Variants in AK4 observed in about 807,000 individuals in gnomAD.
AK4 encodes the protein adenylate kinase 4.
A neutral mutation model predicts 24.6 loss-of-function variants in AK4; 13 were observed. That is an observed-to-expected ratio of 0.53 (90% CI 0.34 to 0.84). AK4 has a LOEUF of 0.84. AK4 is among the 40% of genes least tolerant of loss of function. AK4 has a pLI of 0.01. For synonymous variants in AK4, 88 were observed against 107.0 expected (o/e 0.82, Z 1.10); for missense variants, 192 against 288.2 (o/e 0.67, Z 2.42).
At chr1:65,225,199 A>G (rs1019327630) in intron 4 of AK4, among the ~76,000 whole-genome samples, 2 of 152,200 alleles carry the variant, frequency 1.3e-5, no homozygotes, top group African/African-American at 4.8e-5. Flanking sequence ...ATACTCCCAC[A>G]TATAAATATA....
At chr1:65,156,498 T>G (rs966329898) in intron 1 of AK4, among the ~76,000 whole-genome samples, 1 of 152,266 alleles carries the variant, frequency 6.6e-6, no homozygotes, top group Non-Finnish European at 1.5e-5. Context: ...TGTACAGATA[T>G]ATCATAGTTT....
chr1:65,184,208 G>GT (rs1651010800), intron 1 of AK4, among the ~76,000 whole-genome samples: 1 of 152,088 alleles, frequency 6.6e-6, no homozygotes, highest in Non-Finnish European at 1.5e-5. Flanking sequence ...TTATATTGTT[G>GT]TAAGATATGT....
chr1:65,188,339 G>A (rs932549982), intron 1 of AK4, among the ~76,000 whole-genome samples: 1 of 151,702 alleles, frequency 6.6e-6, no homozygotes, highest in Admixed American at 6.6e-5. Flanking sequence ...AGGTTGCGAT[G>A]AGCAGAGATC....
At position 65,190,807 on chromosome 1, in the gene AK4, T is replaced by A. The variant is rs1364371897; in HGVS notation, c.243T>A (p.Arg81=). 6.2e-7 allele frequency: 1 copy of A among 1,613,970 alleles called. No individual in the cohort carries two copies. The highest frequency in any genetic ancestry group is 2.2e-5 in the East Asian group (1 of 44,890). The part of the protein sequence containing the change: ...RLMMSELENR[R]GQHWLLDGFP... ...TGATGTCCGAGTTGGAGAACAGGCGTGGCCAGCACTGGCTCCTTGATGGTG... is the reference window on the plus strand; with the variant it reads ...TGATGTCCGAGTTGGAGAACAGGCGAGGCCAGCACTGGCTCCTTGATGGTG... The change falls in exon 2 of 5, where the codon CGT becomes CGA. Residue 81 remains arginine (R), a synonymous_variant. Transcript: ENST00000327299.
intron 2 of AK4, among the ~76,000 whole-genome samples, chr1:65,208,552 C>G (rs555689631): frequency 6.6e-6 from 1 of 152,230 alleles, no homozygotes; most frequent in South Asian, 2.1e-4. Flanking sequence ...TATTCAACAA[C>G]TGGGAAGAGA....
chr1:65,196,376 G>T (rs1403388170), intron 2 of AK4, among the ~76,000 whole-genome samples: 8 of 152,102 alleles, frequency 5.3e-5, no homozygotes, highest in African/African-American at 1.9e-4. Context: ...TGAGTGTTCT[G>T]TGGTTTGGTC....
intron 1 of AK4, among the ~76,000 whole-genome samples, chr1:65,151,332 G>A (rs1253553859): frequency 6.6e-6 from 1 of 152,172 alleles, no homozygotes; most frequent in Non-Finnish European, 1.5e-5. Context: ...GTGTAAAAAT[G>A]CCTGTCTCAC....
chr1:65,179,636 T>A (rs1388133318), intron 1 of AK4, among the ~76,000 whole-genome samples: 1 of 151,990 alleles, frequency 6.6e-6, no homozygotes, highest in Non-Finnish European at 1.5e-5. Context: ...CTCAAGAGTT[T>A]GAGACCAACG....
At chr1:65,174,331 C>A (rs555332086) in intron 1 of AK4, among the ~76,000 whole-genome samples, 2 of 152,130 alleles carry the variant, frequency 1.3e-5, no homozygotes, top group South Asian at 4.1e-4. Context: ...TCCCCCAAGT[C>A]TCTCTAAGAA....
intron 1 of AK4, among the ~76,000 whole-genome samples, chr1:65,187,347 CAA>C (rs150840960): frequency 6.0e-5 from 4 of 66,878 alleles, no homozygotes; most frequent in Non-Finnish European, 6.1e-5. Flanking sequence ...GACTCCGTCT[CAA>C]AAAAAAAAAA....
chr1:65,205,909 T>G (rs534450853), intron 2 of AK4, among the ~76,000 whole-genome samples: 1 of 152,216 alleles, frequency 6.6e-6, no homozygotes, highest in African/African-American at 2.4e-5. Context: ...CATAACTGTT[T>G]GATTATTTTT....
At chr1:65,170,377 C>G (rs939793711) in intron 1 of AK4, among the ~76,000 whole-genome samples, 1 of 149,534 alleles carries the variant, frequency 6.7e-6, no homozygotes, top group African/African-American at 2.5e-5. Context: ...CACACACACA[C>G]ACACACACAC....
At position 65,148,455 on chromosome 1, in the gene AK4, G is replaced by C. The variant is rs748644993; in HGVS notation, c.48G>C (p.Ser16=). 2 of 1,569,882 alleles carry C rather than the reference G, an allele frequency of 1.3e-6. No individual in the cohort carries two copies. Among genetic ancestry groups the C allele is most frequent in the Non-Finnish European group, 1.7e-6 (2 of 1,158,864 alleles). Residue 16 remains serine, a synonymous_variant, in exon 1 of 5, where the codon TCG becomes TCC. Coordinates refer to ENST00000327299, the MANE Select transcript of AK4 (RefSeq NM_013410.4). ...CGGTCATCCTCGGGCCGCCCGGCTCGGGCAAGGGCACCGTGTGCCAGAGGA... is the reference window on the plus strand; with the variant it reads ...CGGTCATCCTCGGGCCGCCCGGCTCCGGCAAGGGCACCGTGTGCCAGAGGA... ...LRAVILGPPG[S]GKGTVCQRIA...
chr1:65,192,790 G>C (rs1651348484), intron 2 of AK4, among the ~76,000 whole-genome samples: 1 of 152,154 alleles, frequency 6.6e-6, no homozygotes. Context: ...AAGAAGAAAG[G>C]GGCAGGTGGT....
intron 1 of AK4, among the ~76,000 whole-genome samples, chr1:65,179,106 T>C (rs1483355774): frequency 6.6e-6 from 1 of 152,106 alleles, no homozygotes; most frequent in Non-Finnish European, 1.5e-5. Context: ...AATTAAAGGA[T>C]GCTTATAATT....
At chr1:65,212,760 A>G (rs1405020918) in intron 2 of AK4, among the ~76,000 whole-genome samples, 1 of 152,204 alleles carries the variant, frequency 6.6e-6, no homozygotes, top group African/African-American at 2.4e-5. Context: ...ATCGTTGCAT[A>G]GAAAGAGAGA....
intron 1 of AK4, 117 bp downstream of exon 1, chr1:65,148,669 A>C (rs1253625081): frequency 1.5e-6 from 2 of 1,349,822 alleles, no homozygotes; most frequent in Non-Finnish European, 1.9e-6. Flanking sequence ...GTGGTCGTGC[A>C]GGCTCGTACG....
At chr1:65,223,352 C>T (rs923262108) in intron 3 of AK4, among the ~76,000 whole-genome samples, 26 of 151,892 alleles carry the variant, frequency 1.7e-4, no homozygotes, top group African/African-American at 5.8e-4. Context: ...CCACACCCGG[C>T]TAATTTTTGT....
chr1:65,189,595 C>G (rs1651224262), intron 1 of AK4, among the ~76,000 whole-genome samples: 1 of 151,902 alleles, frequency 6.6e-6, no homozygotes, highest in Non-Finnish European at 1.5e-5. Context: ...TGATTCTTAG[C>G]ATTCATTATA....
Sources: gnomAD v4.1 joint callset for allele counts (sites outside exome capture counted in the v4.1 genomes callset) on GRCh38, gnomAD v4.1.1 for gene constraint, MANE v1.5 for transcripts, NCBI Gene and HGNC (gene_info 2026-07-23, HGNC 2026-07-21) for gene names.